WWP1: variants seen among roughly 807,000 people sequenced by gnomAD.
The protein encoded by WWP1 is WW domain containing E3 ubiquitin protein ligase 1, also known as NEDD4-like E3 ubiquitin-protein ligase WWP1.
WWP1 carries 49 observed loss-of-function variants against 130.6 expected under a neutral mutation model. The observed-to-expected ratio is 0.38, with a 90% confidence interval of 0.30 to 0.48. WWP1 has a LOEUF of 0.48. Among genes scored for constraint, WWP1 ranks in the 20% least tolerant of loss-of-function variants. The pLI is 0.99. For synonymous variants in WWP1, 332 were observed against 367.8 expected (o/e 0.90, Z 1.11); for missense variants, 809 against 1,100.6 (o/e 0.74, Z 3.75).
chr8:86,444,741 CAAGA>C (rs1306466390), intron 18 of WWP1, among the ~76,000 whole-genome samples: 5 of 152,020 alleles, frequency 3.3e-5, no homozygotes, highest in Non-Finnish European at 7.4e-5. Flanking sequence ...GGAGTAAAAT[CAAGA>C]GAGAATGGAG....
chr8:86,387,676 C>T (rs1825366166), intron 5 of WWP1, among the ~76,000 whole-genome samples: 1 of 151,924 alleles, frequency 6.6e-6, no homozygotes, highest in Admixed American at 6.6e-5. Flanking sequence ...CCATGCACCA[C>T]CATGTGCGGC....
intron 2 of WWP1, among the ~76,000 whole-genome samples, chr8:86,373,058 C>T (rs1824419786): frequency 7.5e-6 from 1 of 134,022 alleles, no homozygotes; most frequent in Non-Finnish European, 1.6e-5. Context: ...TTTTGTTTTT[C>T]AGTTCTTAGT....
chr8:86,375,908 C>G (rs961120772), intron 3 of WWP1, among the ~76,000 whole-genome samples: 1 of 152,186 alleles, frequency 6.6e-6, no homozygotes, highest in Non-Finnish European at 1.5e-5. Context: ...GCCTGTTTTC[C>G]CAAAGCCTAA....
At chr8:86,432,937 A>G (rs1407990902) in intron 14 of WWP1, among the ~76,000 whole-genome samples, 5 of 152,180 alleles carry the variant, frequency 3.3e-5, no homozygotes, top group East Asian at 1.9e-4. Flanking sequence ...TCCCCTTTAC[A>G]GGAAAGCTAC....
At chr8:86,379,040 CT>C (rs1824830747) in intron 3 of WWP1, among the ~76,000 whole-genome samples, 1 of 152,234 alleles carries the variant, frequency 6.6e-6, no homozygotes, top group African/African-American at 2.4e-5. Context: ...CCAGATATGT[CT>C]ATCCCTCTGC....
intron 5 of WWP1, 105 bp downstream of exon 5, chr8:86,381,734 A>T: frequency 2.6e-6 from 3 of 1,148,744 alleles, no homozygotes; most frequent in Non-Finnish European, 3.5e-6. Context: ...TCCATAAAGA[A>T]CTTCAGTTAT....
chr8:86,429,650 G>A (rs1364006497), intron 11 of WWP1, among the ~76,000 whole-genome samples: 1 of 152,154 alleles, frequency 6.6e-6, no homozygotes, highest in African/African-American at 2.4e-5. Context: ...CTGGAGTTGA[G>A]TGTTAGTTTT....
In WWP1 at chr8:86,411,976, T is replaced by C. The variant is rs113732027; in HGVS notation, c.1061+102T>C. 7,370 of 1,156,592 alleles carry C rather than the reference T, an allele frequency of 6.4e-3. 43 individuals carry two copies. Among genetic ancestry groups the C allele is most frequent in the Non-Finnish European group, 7.1e-3 (5,905 of 829,068 alleles). 71.6% of individuals were successfully genotyped at this position (1,156,592 alleles called of 1,614,324 possible). ...AAAATGTTTTCATTGTTCAGAACTTTGAAATCTAAGTTGGGATCTGAATCA... is the reference window on the plus strand; with the variant it reads ...AAAATGTTTTCATTGTTCAGAACTTCGAAATCTAAGTTGGGATCTGAATCA... On this transcript the variant is annotated intron_variant, in intron 9 of 24. Coordinates refer to ENST00000517970, the MANE Select transcript of WWP1 (RefSeq NM_007013.4).
chr8:86,380,922 ATG>A (rs1286842748), intron 4 of WWP1, 58 bp downstream of exon 4: 6 of 1,486,752 alleles, frequency 4.0e-6, no homozygotes, highest in Non-Finnish European at 4.5e-6. Context: ...TTTTTGGAAT[ATG>A]TTTTTTGTTT....
At chr8:86,384,100 G>A (rs1825145100) in intron 5 of WWP1, among the ~76,000 whole-genome samples, 1 of 152,110 alleles carries the variant, frequency 6.6e-6, no homozygotes, top group Admixed American at 6.5e-5. Flanking sequence ...ATATGTGTCT[G>A]CGTCCAAATT....
chr8:86,415,387 G>A (rs1265625108), intron 9 of WWP1, among the ~76,000 whole-genome samples: 1 of 151,968 alleles, frequency 6.6e-6, no homozygotes, highest in Non-Finnish European at 1.5e-5. Context: ...ACCCTTTATT[G>A]TGCTTGCCTT....
At chr8:86,440,841 A>T in intron 17 of WWP1, 1 of 334,684 alleles carries the variant, frequency 3.0e-6, no homozygotes, top group South Asian at 2.6e-5. Context: ...GCCTATCCTC[A>T]TGTCACTGTT....
intron 1 of WWP1, among the ~76,000 whole-genome samples, chr8:86,358,374 AC>A (rs1002759112): frequency 3.3e-4 from 50 of 152,306 alleles, no homozygotes; most frequent in African/African-American, 1.2e-3. Flanking sequence ...TCTTAACCTA[AC>A]CACTCTAGCC....
At chr8:86,445,976 C>CTTTTTTTTTTTTTTTTT (rs56731329) in intron 18 of WWP1, among the ~76,000 whole-genome samples, 3 of 84,984 alleles carry the variant, frequency 3.5e-5, no homozygotes, top group African/African-American at 1.3e-4. Flanking sequence ...CTTTTCTTTT[C>CTTTTTTTTTTTTTTTTT]TTTTTTTTTT....
intron 1 of WWP1, among the ~76,000 whole-genome samples, chr8:86,349,650 C>T (rs1468459481): frequency 2.0e-5 from 3 of 152,062 alleles, no homozygotes; most frequent in Non-Finnish European, 2.9e-5. Flanking sequence ...TGGCTTACTA[C>T]GCAAATGGGA....
intron 24 of WWP1, among the ~76,000 whole-genome samples, chr8:86,465,443 C>G (rs1812019410): frequency 6.6e-6 from 1 of 151,922 alleles, no homozygotes; most frequent in Admixed American, 6.6e-5. Flanking sequence ...GGCAACATGA[C>G]AAAACTTCGT....
rs141564395 is a variant in WWP1, at chr8:86,426,916, T to A, written c.1158-727T>A. Among the ~76,000 whole-genome samples, 250 of 152,150 alleles carry A rather than the reference T, an allele frequency of 1.6e-3. 1 individual carries two copies. The East Asian group carries it at 0.024, about 14-fold the overall frequency. ...GCTCATGCCTGTAATCCCCACACTT[T>A]GGGAGGCCAAGAGGTGGGAGGATCA... On this transcript the variant is annotated intron_variant, in intron 10 of 24. Coordinates refer to ENST00000517970, the MANE Select transcript of WWP1 (RefSeq NM_007013.4).
At chr8:86,419,966 A>T (rs1185003163) in intron 9 of WWP1, among the ~76,000 whole-genome samples, 1 of 152,206 alleles carries the variant, frequency 6.6e-6, no homozygotes, top group Non-Finnish European at 1.5e-5. Context: ...CCCAACATAT[A>T]ATTCTGTATC....
At position 86,350,384 on chromosome 8, in the gene WWP1, G is replaced by T. The variant is rs145295743; in HGVS notation, c.-115+7454G>T. Among the ~76,000 whole-genome samples the T allele has an allele frequency of 1.8e-3, 276 of 152,274 alleles. 2 individuals carry two copies. Among genetic ancestry groups the T allele is most frequent in the Middle Eastern group, 6.8e-3 (2 of 292 alleles). On this transcript the variant is annotated intron_variant, in intron 1 of 24. Transcript: ENST00000517970. ...ATAGCTTCTGAGTGGAGTAGTGAAT[G>T]CATTTCATTTTAAGAATTTAGGTTA... is the stretch of plus-strand genomic sequence containing the variant.
Sources: gnomAD v4.1 joint callset for allele counts (sites outside exome capture counted in the v4.1 genomes callset) on GRCh38, gnomAD v4.1.1 for gene constraint, MANE v1.5 for transcripts, NCBI Gene and HGNC (gene_info 2026-07-23, HGNC 2026-07-21) for gene names.